RBMX: variants seen among roughly 807,000 people sequenced by gnomAD.
The protein encoded by RBMX is RNA binding motif protein X-linked, also known as RNA-binding motif protein, X chromosome.
A neutral mutation model predicts 29.3 loss-of-function variants in RBMX; 1 was observed. That is an observed-to-expected ratio of 0.03 (90% confidence interval 0.01 to 0.16). RBMX has a LOEUF of 0.16. Among genes scored for constraint, RBMX ranks in the 10% least tolerant of loss-of-function variants. RBMX has a pLI of 1.00. For missense variants in RBMX, 121 were observed against 333.2 expected, an observed-to-expected ratio of 0.36 and a Z score of 4.96; for synonymous variants, 102 against 102.3, an observed-to-expected ratio of 1.00 and a Z score of 0.02.
At chrX:136,874,641 T>C in intron 8 of RBMX, 189 bp from the exon 9 acceptor site, 3 of 520,486 alleles carry the variant, frequency 5.8e-6, no homozygotes, top group African/African-American at 2.3e-5. Context: ...TGGATTCATT[T>C]TAATGTTTGT....
chrX:136,876,080 G>T (rs920179300), intron 5 of RBMX, among the ~76,000 whole-genome samples: 1 of 107,219 alleles, frequency 9.3e-6, no homozygotes, highest in Non-Finnish European at 1.9e-5. Context: ...GATTACAGGC[G>T]TGAGCCACCG....
chrX:136,872,330 G>C, downstream of RBMX: 1 of 1,165,498 alleles, frequency 8.6e-7, no homozygotes, highest in South Asian at 1.9e-5. Context: ...CGACCATAAT[G>C]AGCAAAATCA....
intron 5 of RBMX, among the ~76,000 whole-genome samples, chrX:136,876,125 G>GT (rs778800086): frequency 0.096 from 7,481 of 77,552 alleles, 598 homozygotes; most frequent in African/African-American, 0.21. Context: ...TTTTTTTTTT[G>GT]TTTTTTTTTT....
chrX:136,874,006 T>C lies in RBMX; in HGVS notation c.*136A>G. On this transcript the variant is annotated 3_prime_UTR_variant, in exon 9 of 9. Transcript: ENST00000320676. ...TTTCCTCACAAGAACATAAAAATTATGGAGGGGAACTTAACAGGGAATTTA... is the reference window on the plus strand; with the variant it reads ...TTTCCTCACAAGAACATAAAAATTACGGAGGGGAACTTAACAGGGAATTTA... 2.7e-6 allele frequency: 3 copies of C among 1,099,612 alleles called. No individual in the cohort carries two copies. Among genetic ancestry groups the C allele is most frequent in the East Asian group, 3.2e-5 (1 of 30,873 alleles). The allele number at this position is 1,099,612 out of a possible 1,213,427, so 90.6% of individuals were successfully genotyped here.
downstream of RBMX, among the ~76,000 whole-genome samples, chrX:136,870,726 G>A (rs2077678642): frequency 9.6e-6 from 1 of 103,671 alleles, no homozygotes; most frequent in Admixed American, 1.1e-4. Context: ...AGCTACTTGG[G>A]GAGTCTGAGG....
chrX:136,876,623 T>C lies in RBMX; in HGVS notation c.421A>G (p.Ser141Gly), dbSNP rs2077732544. 1 of 1,201,866 alleles carries C rather than the reference T, an allele frequency of 8.3e-7. No homozygotes were observed. The highest frequency in any genetic ancestry group is 1.7e-5 in the African/African-American group (1 of 57,146). ...DGGYSMNFNM[S>G]SSRGPLPVKR... ...ACTGGGAGTGGTCCCCTGGAAGAACTCATGTTAAAATTCATGGAATATCCA... is the reference window on the plus strand; with the variant it reads ...ACTGGGAGTGGTCCCCTGGAAGAACCCATGTTAAAATTCATGGAATATCCA... The change falls in exon 5 of 9, where the codon AGT (serine) becomes GGT (glycine). Residue 141 changes from serine (S) to glycine (G), a missense_variant. By Grantham distance (56) the Ser-to-Gly change is moderately conservative. Around this residue, in one of 2 missense-constraint regions of RBMX, gnomAD observed 114 missense variants for 260.0 expected, o/e 0.44. Transcript: ENST00000320676.
chrX:136,879,482 T>G lies in RBMX; in HGVS notation c.-26-29A>C, dbSNP rs1209166295. On this transcript the variant is annotated intron_variant, in intron 1 of 8. Coordinates refer to ENST00000320676, the MANE Select transcript of RBMX (RefSeq NM_002139.4). ...TTGAAAAGGAATAGTATTACCTCAC[T>G]GCAAAAAGTTCCTCAAGTTTATTGG... 2.7e-6 allele frequency: 3 copies of G among 1,098,921 alleles called. No individual in the cohort carries two copies. The African/African-American group carries it at 5.6e-5, about 21-fold the overall frequency. 90.6% of individuals were successfully genotyped at this position (1,098,921 alleles called of 1,213,427 possible).
At chrX:136,872,619 C>G, downstream of RBMX, 1 of 319,835 alleles carries the variant, frequency 3.1e-6, no homozygotes. Flanking sequence ...ACGAACAAAA[C>G]TTATTTGAAG....
downstream of RBMX, chrX:136,873,045 G>A (rs2077694147): frequency 9.7e-6 from 1 of 103,341 alleles, no homozygotes; most frequent in Non-Finnish European, 2.0e-5. Flanking sequence ...TGTCACACAT[G>A]CTTTAAAAAA....
At chrX:136,878,948 G>A in intron 3 of RBMX, 69 bp downstream of exon 3, 3 of 1,180,444 alleles carry the variant, frequency 2.5e-6, no homozygotes, top group Admixed American at 2.3e-5. Context: ...TCCTAGACCA[G>A]ACTTGGACAA....
chrX:136,878,635 C>CT (rs1310840333), intron 3 of RBMX, among the ~76,000 whole-genome samples: 4 of 635 alleles, frequency 6.3e-3, no homozygotes, highest in African/African-American at 0.031. Context: ...ATCCCAGCTA[C>CT]TGGGGGGGGG....
rs746940698 is a variant in RBMX, at chrX:136,873,859, G to C, written c.*283C>G. On this transcript the variant is annotated 3_prime_UTR_variant, in exon 9 of 9. Transcript: ENST00000320676. ...TTTGCTGGGAAAAATCAGATAGGAA[G>C]TGGCCTTTAGGGGATACTTTTACTT... The C allele has an allele frequency of 1.6e-5, 14 of 901,941 alleles. No homozygotes were observed. The East Asian group carries it at 7.5e-4, about 49-fold the overall frequency. 74.3% of individuals were successfully genotyped at this position (901,941 alleles called of 1,213,427 possible).
downstream of RBMX, chrX:136,872,225 CACA>C (rs2077689691): frequency 4.0e-6 from 4 of 995,015 alleles, no homozygotes; most frequent in East Asian, 3.3e-5. Flanking sequence ...ATGGTAGTTA[CACA>C]ACATTTAAAC....
intron 3 of RBMX, among the ~76,000 whole-genome samples, chrX:136,878,516 C>A (rs2077759112): frequency 9.2e-6 from 1 of 108,197 alleles, no homozygotes; most frequent in Admixed American, 1.0e-4. Flanking sequence ...GAGGCGGAGG[C>A]AGCTGGATCA....
In RBMX at chrX:136,877,894, G is replaced by A. The variant is rs146633743; in HGVS notation, c.388+21C>T. On this transcript the variant is annotated intron_variant, in intron 4 of 8. Transcript: ENST00000320676. ...AGTCCCTAACTTATACACCAAACCC[G>A]AGGTCCACGCAAGTTATTACCCATG... is the stretch of plus-strand genomic sequence containing the variant. 3.3e-4 allele frequency: 385 copies of A among 1,153,087 alleles called. 2 individuals carry two copies. The African/African-American group carries it at 6.0e-3, about 18-fold the overall frequency.
intron 1 of RBMX, 72 bp from the exon 2 acceptor site, chrX:136,879,525 C>T: frequency 1.2e-6 from 1 of 862,457 alleles, no homozygotes; most frequent in African/African-American, 2.0e-5. Flanking sequence ...TACTTTCGCA[C>T]ATTTCTCATA....
intron 4 of RBMX, among the ~76,000 whole-genome samples, chrX:136,877,008 G>A (rs1461702396): frequency 1.9e-5 from 2 of 107,328 alleles, no homozygotes; most frequent in Non-Finnish European, 3.9e-5. Context: ...CACCAGGCTC[G>A]GCCACTATAA....
At chrX:136,876,073 T>G (rs1334195391) in intron 5 of RBMX, among the ~76,000 whole-genome samples, 1 of 109,965 alleles carries the variant, frequency 9.1e-6, no homozygotes, top group African/African-American at 3.3e-5. Context: ...GTGTCAAGAT[T>G]ACAGGCGTGA....
downstream of RBMX, chrX:136,870,244 A>C (rs2077676710): frequency 8.9e-6 from 1 of 112,347 alleles, no homozygotes; most frequent in Non-Finnish European, 1.9e-5. Context: ...ACTTGCTTTA[A>C]GTAACTACCA....
Sources: allele counts gnomAD v4.1 joint callset (sites outside exome capture counted in the v4.1 genomes callset), GRCh38; gene constraint gnomAD v4.1.1; regional missense constraint gnomAD v4.1.1; transcripts MANE v1.5; gene names NCBI Gene and HGNC (gene_info 2026-07-23, HGNC 2026-07-21).